Variants in CRTAC1 observed in about 807,000 individuals in gnomAD.
CRTAC1 encodes the protein acidic secreted protein in cartilage.
In CRTAC1, 37 loss-of-function variants were observed where a neutral mutation model predicts 67.8. That is an observed-to-expected ratio of 0.55 (90% confidence interval 0.42 to 0.72). The LOEUF is 0.72. Among genes scored for constraint, CRTAC1 ranks in the 30% least tolerant of loss-of-function variants. The probability of loss-of-function intolerance (pLI) is 0.00; values close to 1 mark genes in which losing one functional copy is unlikely to be tolerated. For synonymous variants in CRTAC1, 348 were observed against 371.0 expected (o/e 0.94, Z 0.71); for missense variants, 780 against 931.6 (o/e 0.84, Z 2.12).
intron 2 of CRTAC1, among the ~76,000 whole-genome samples, chr10:97,958,274 G>T (rs188175459): frequency 1.3e-3 from 199 of 152,214 alleles, no homozygotes; most frequent in Admixed American, 2.9e-3. Flanking sequence ...TGGGGGAGAG[G>T]GTGGGTGCAT....
At chr10:97,960,744 T>C (rs1365828744) in intron 2 of CRTAC1, among the ~76,000 whole-genome samples, 1 of 152,196 alleles carries the variant, frequency 6.6e-6, no homozygotes, top group Non-Finnish European at 1.5e-5. Context: ...TGGGTCAACA[T>C]ATTCAATGTA....
intron 2 of CRTAC1, among the ~76,000 whole-genome samples, chr10:97,997,255 A>G (rs1315104946): frequency 1.4e-5 from 2 of 145,034 alleles, no homozygotes; most frequent in Non-Finnish European, 3.0e-5. Context: ...AATAATAATA[A>G]TAATAATAAT....
At chr10:98,005,100 A>ATATATATATTTTT in intron 2 of CRTAC1, among the ~76,000 whole-genome samples, 1 of 48,884 alleles carries the variant, frequency 2.0e-5, no homozygotes, top group African/African-American at 1.2e-4. Context: ...ATATATATAT[A>ATATATATATTTTT]TTTTTTTTTT....
intron 1 of CRTAC1, among the ~76,000 whole-genome samples, chr10:98,015,994 T>C (rs1353858309): frequency 3.9e-5 from 6 of 152,240 alleles, no homozygotes; most frequent in Middle Eastern, 3.2e-3. Flanking sequence ...TCCTAGGTTA[T>C]GCAATCTCCA....
chr10:97,884,508 TC>T (rs1177839856), intron 11 of CRTAC1, 157 bp from the exon 12 acceptor site: 10 of 693,390 alleles, frequency 1.4e-5, no homozygotes, highest in African/African-American at 1.8e-5. Flanking sequence ...TTGAGGTCCC[TC>T]CTCTCTGGAG....
chr10:97,880,321 T>C lies in CRTAC1; in HGVS notation c.1747A>G (p.Ser583Gly). 1.2e-6 allele frequency: 2 copies of C among 1,614,174 alleles called. No individual in the cohort carries two copies. Among genetic ancestry groups the C allele is most frequent in the South Asian group, 2.2e-5 (2 of 91,080 alleles). Reference protein sequence around the residue: ...DKPVCVNTYGSYRCRTNKKCS... With the variant: ...DKPVCVNTYGGYRCRTNKKCS... ...TTCTTGTTGGTCCGGCACCTGTAGC[T>C]TCCATAGGTGTTGACACATACGGGC... The change falls in exon 14 of 15, where the codon AGC becomes GGC. Residue 583 changes from serine (S) to glycine (G), a missense_variant. Ser to Gly is a moderately conservative substitution (Grantham distance 56, BLOSUM62 0). Coordinates refer to ENST00000370597, the MANE Select transcript of CRTAC1 (RefSeq NM_018058.7).
chr10:97,943,465 T>A (rs755646657), intron 2 of CRTAC1, among the ~76,000 whole-genome samples: 1 of 152,250 alleles, frequency 6.6e-6, no homozygotes, highest in Non-Finnish European at 1.5e-5. Context: ...AATAATTCCA[T>A]CTTGTGGCCA....
chr10:98,030,442 TACTC>T lies in CRTAC1; in HGVS notation c.24+3_24+6del. ...TTAGGGTGGGGGGCACCGGTGCAGA[TACTC>T]ACGCCGGGGTCAGCGCTCGGAGCCA... On this transcript the variant is annotated splice_donor_5th_base_variant and intron_variant, in intron 1 of 14. Transcript: ENST00000370597. The surrounding 1 kb of genome is among the most constrained non-coding windows in gnomAD (Gnocchi z 4.2). 8.0e-7 allele frequency: 1 copy of T among 1,249,786 alleles called. No individual in the cohort carries two copies. Among genetic ancestry groups the T allele is most frequent in the African/African-American group, 1.5e-5 (1 of 64,548 alleles). 77.4% of individuals were successfully genotyped at this position (1,249,786 alleles called of 1,614,324 possible). A position where few individuals can be genotyped will look rare whatever the true frequency, so the allele number is the denominator to read the frequency against.
Position 97,865,561 on chromosome 10 carries a change from T to G in CRTAC1, c.1973A>C (p.Glu658Ala). 1.2e-6 allele frequency: 2 copies of G among 1,609,576 alleles called. No homozygotes were observed. Among genetic ancestry groups the G allele is most frequent in the Non-Finnish European group, 1.7e-6 (2 of 1,176,454 alleles). Residue 658 changes from glutamate (E) to alanine (A), a missense_variant, in exon 15 of 15, where the codon GAG (glutamate) becomes GCG (alanine). By Grantham distance (107) the Glu-to-Ala change is moderately radical. Coordinates refer to ENST00000370597, the MANE Select transcript of CRTAC1 (RefSeq NM_018058.7). ...TCCCACCCCTGCTCAGCAGCTGGGC[T>G]CGCAGCTCTCCTTAACCACCGACCC... ...NLGSVVKESC[E>A]PSC
At chr10:97,926,716 T>C (rs539966180) in intron 3 of CRTAC1, among the ~76,000 whole-genome samples, 1 of 152,328 alleles carries the variant, frequency 6.6e-6, no homozygotes, top group East Asian at 1.9e-4. Flanking sequence ...TGCTATCAAT[T>C]GAATTTCCCA....
At chr10:97,991,174 G>C (rs1564925898) in intron 2 of CRTAC1, among the ~76,000 whole-genome samples, 1 of 150,932 alleles carries the variant, frequency 6.6e-6, no homozygotes, top group African/African-American at 2.4e-5. Flanking sequence ...GGAGGCTGAG[G>C]TGGAGGATTG....
chr10:97,947,577 G>A (rs145199165), intron 2 of CRTAC1, among the ~76,000 whole-genome samples: 4 of 152,344 alleles, frequency 2.6e-5, no homozygotes, highest in East Asian at 1.9e-4. Flanking sequence ...TACACGTTCC[G>A]TGAAAAGCCT....
At chr10:97,968,588 T>G (rs1048128379) in intron 2 of CRTAC1, among the ~76,000 whole-genome samples, 3 of 152,116 alleles carry the variant, frequency 2.0e-5, no homozygotes, top group Non-Finnish European at 4.4e-5. Flanking sequence ...TCGGGGTAAA[T>G]GGGGCAGGCC....
intron 5 of CRTAC1, among the ~76,000 whole-genome samples, chr10:97,914,089 G>A: frequency 6.6e-6 from 1 of 152,210 alleles, no homozygotes; most frequent in Non-Finnish European, 1.5e-5. Flanking sequence ...AAAGGGTGAG[G>A]CCAAAATGCA....
chr10:97,994,975 A>T (rs1842527694), intron 2 of CRTAC1, among the ~76,000 whole-genome samples: 1 of 152,230 alleles, frequency 6.6e-6, no homozygotes, highest in Non-Finnish European at 1.5e-5. Flanking sequence ...CCAATCATGG[A>T]CAGCATACAG....
intron 4 of CRTAC1, among the ~76,000 whole-genome samples, chr10:97,918,427 T>A (rs2050789417): frequency 2.8e-5 from 4 of 144,586 alleles, no homozygotes; most frequent in Admixed American, 2.0e-4. Context: ...ATTTCTTCAA[T>A]GGATGACTTC....
chr10:97,933,027 C>T (rs887853685), intron 3 of CRTAC1, among the ~76,000 whole-genome samples: 4 of 152,220 alleles, frequency 2.6e-5, no homozygotes, highest in Non-Finnish European at 5.9e-5. Context: ...TTCCACAGGT[C>T]GCTCTAACAC....
At chr10:97,888,593 C>G (rs1249003116) in intron 11 of CRTAC1, among the ~76,000 whole-genome samples, 1 of 152,164 alleles carries the variant, frequency 6.6e-6, no homozygotes, top group African/African-American at 2.4e-5. Flanking sequence ...AAGTGACTTG[C>G]AGGTGTCTGA....
chr10:97,912,582 G>A (rs2050703101), intron 5 of CRTAC1, among the ~76,000 whole-genome samples: 1 of 152,200 alleles, frequency 6.6e-6, no homozygotes, highest in African/African-American at 2.4e-5. Flanking sequence ...GACTGCATCT[G>A]GGCCAGCCCT....
Sources: allele counts gnomAD v4.1 joint callset (sites outside exome capture counted in the v4.1 genomes callset), GRCh38; gene constraint gnomAD v4.1.1; non-coding constraint Gnocchi (gnomAD v3.1); transcripts MANE v1.5; gene names NCBI Gene and HGNC (gene_info 2026-07-23, HGNC 2026-07-21).